SGCZ: variants seen among roughly 807,000 people sequenced by gnomAD.
The protein encoded by SGCZ is sarcoglycan zeta, also known as zeta-sarcoglycan.
In SGCZ, 40 loss-of-function variants were observed where a neutral mutation model predicts 41.3. The observed-to-expected ratio is 0.97, with a 90% confidence interval of 0.75 to 1.26. The LOEUF (loss-of-function observed/expected upper bound fraction) is 1.26. SGCZ is among the 50% of genes most tolerant of loss of function. SGCZ has a pLI of 0.00. For missense variants in SGCZ, 552 were observed against 369.8 expected (o/e 1.49, Z -4.04); for synonymous variants, 206 against 137.5 (o/e 1.50, Z -3.49).
intron 1 of SGCZ, among the ~76,000 whole-genome samples, chr8:14,887,250 G>A (rs527405610): frequency 6.6e-6 from 1 of 152,288 alleles, no homozygotes; most frequent in Non-Finnish European, 1.5e-5. Context: ...TTCTCATGCA[G>A]ATATCCTTAT....
intron 1 of SGCZ, among the ~76,000 whole-genome samples, chr8:14,592,304 T>TTCA (rs1012012785): frequency 6.6e-6 from 1 of 152,138 alleles, no homozygotes. Context: ...TACATTCTTC[T>TTCA]GTATTAGATT....
At chr8:14,736,434 C>T (rs1410435531) in intron 1 of SGCZ, among the ~76,000 whole-genome samples, 5 of 152,262 alleles carry the variant, frequency 3.3e-5, no homozygotes, top group East Asian at 1.9e-4. Context: ...ATTTCAAACG[C>T]AAACTGGCTA....
chr8:14,310,332 C>T (rs190835874), intron 3 of SGCZ, among the ~76,000 whole-genome samples: 1 of 151,930 alleles, frequency 6.6e-6, no homozygotes, highest in Non-Finnish European at 1.5e-5. Flanking sequence ...TTTGTGCAGT[C>T]TTTGGTAATT....
At chr8:14,828,959 T>TG (rs150532973) in intron 1 of SGCZ, among the ~76,000 whole-genome samples, 21,045 of 151,958 alleles carry the variant, frequency 0.14, 2,105 homozygotes, top group African/African-American at 0.27. Flanking sequence ...GAGTCCTTTT[T>TG]TTTGTTTGTT....
chr8:14,538,036 G>A (rs748194161), intron 2 of SGCZ, among the ~76,000 whole-genome samples: 27 of 151,908 alleles, frequency 1.8e-4, no homozygotes, highest in Middle Eastern at 3.4e-3. Context: ...TACCACTAAC[G>A]TTAATTAGGC....
intron 1 of SGCZ, among the ~76,000 whole-genome samples, chr8:14,679,643 A>G (rs1016469961): frequency 2.0e-5 from 3 of 151,942 alleles, no homozygotes; most frequent in Non-Finnish European, 4.4e-5. Context: ...TATAAATAAA[A>G]CAGTTACAGT....
At chr8:14,132,666 G>C (rs756390832) in intron 5 of SGCZ, among the ~76,000 whole-genome samples, 4 of 152,074 alleles carry the variant, frequency 2.6e-5, no homozygotes, top group African/African-American at 9.7e-5. Flanking sequence ...TCCAGTGTCT[G>C]AATTTCTTCA....
chr8:14,607,974 A>G (rs1450738253), intron 1 of SGCZ, among the ~76,000 whole-genome samples: 1 of 152,220 alleles, frequency 6.6e-6, no homozygotes, highest in Non-Finnish European at 1.5e-5. Context: ...CAGCTATTTG[A>G]AAGTTTCTAA....
chr8:14,989,280 G>A (rs962030040), intron 1 of SGCZ, among the ~76,000 whole-genome samples: 18 of 152,068 alleles, frequency 1.2e-4, no homozygotes, highest in African/African-American at 4.1e-4. Flanking sequence ...GATTGCAAGG[G>A]TCCCCATATC....
chr8:15,083,089 G>C (rs1322434315), intron 1 of SGCZ, among the ~76,000 whole-genome samples: 2 of 152,088 alleles, frequency 1.3e-5, no homozygotes, highest in Non-Finnish European at 2.9e-5. Context: ...ATATCTACCA[G>C]TACAAGGAGA....
intron 4 of SGCZ, among the ~76,000 whole-genome samples, chr8:14,226,430 T>C (rs551034447): frequency 6.6e-6 from 1 of 152,096 alleles, no homozygotes; most frequent in Non-Finnish European, 1.5e-5. Context: ...TACGCATGAA[T>C]CTGGTTTTAC....
At chr8:15,186,762 A>C (rs1800359556) in intron 1 of SGCZ, among the ~76,000 whole-genome samples, 1 of 152,182 alleles carries the variant, frequency 6.6e-6, no homozygotes, top group Non-Finnish European at 1.5e-5. Flanking sequence ...ACAATTATAT[A>C]AGACTTTCGC....
intron 1 of SGCZ, among the ~76,000 whole-genome samples, chr8:14,845,161 C>T (rs1170453169): frequency 6.6e-6 from 1 of 152,156 alleles, no homozygotes; most frequent in East Asian, 1.9e-4. Context: ...GTGCCCAGCA[C>T]TCACACTGGG....
At chr8:14,090,929 A>T (rs1030977924) in intron 7 of SGCZ, among the ~76,000 whole-genome samples, 1 of 151,940 alleles carries the variant, frequency 6.6e-6, no homozygotes, top group Non-Finnish European at 1.5e-5. Context: ...CACCACAGAA[A>T]ATTAATGATT....
intron 1 of SGCZ, among the ~76,000 whole-genome samples, chr8:14,772,175 T>A (rs73664474): frequency 4.9e-4 from 74 of 152,186 alleles, no homozygotes; most frequent in African/African-American, 1.6e-3. Context: ...TGTAGGCTAA[T>A]GTAAGTGTTC....
chr8:14,318,683 A>G (rs373935805), intron 3 of SGCZ, among the ~76,000 whole-genome samples: 88 of 152,096 alleles, frequency 5.8e-4, no homozygotes, highest in African/African-American at 1.6e-3. Flanking sequence ...CAAATCATTT[A>G]GAAACACCTC....
At chr8:14,891,178 C>T (rs1805000876) in intron 1 of SGCZ, among the ~76,000 whole-genome samples, 1 of 152,148 alleles carries the variant, frequency 6.6e-6, no homozygotes, top group African/African-American at 2.4e-5. Flanking sequence ...TTAAGGAAAA[C>T]ATTTTGTAAG....
chr8:14,236,681 T>C (rs1398153425), intron 4 of SGCZ, among the ~76,000 whole-genome samples: 2 of 151,566 alleles, frequency 1.3e-5, no homozygotes, highest in Admixed American at 6.6e-5. Context: ...TGTGTATGTA[T>C]GTATAACTAG....
At chr8:14,804,082 T>C (rs1256673034) in intron 1 of SGCZ, among the ~76,000 whole-genome samples, 2 of 103,704 alleles carry the variant, frequency 1.9e-5, no homozygotes, top group Non-Finnish European at 3.6e-5. Flanking sequence ...CATCTGTACA[T>C]CACCATCATC....
Sources: allele counts gnomAD v4.1 joint callset (sites outside exome capture counted in the v4.1 genomes callset), GRCh38; gene constraint gnomAD v4.1.1; transcripts MANE v1.5; gene names NCBI Gene and HGNC (gene_info 2026-07-23, HGNC 2026-07-21).